Variants in MDGA2 observed in about 807,000 individuals in gnomAD.
The protein encoded by MDGA2 is MAM domain containing glycosylphosphatidylinositol anchor 2, also known as MAM domain-containing glycosylphosphatidylinositol anchor protein 2.
Under a neutral mutation model 117.8 loss-of-function variants are expected in MDGA2, and 40 were observed. The observed-to-expected ratio is 0.34, with a 90% CI of 0.26 to 0.44. The LOEUF is 0.44. Among genes scored for constraint, MDGA2 ranks in the 20% least tolerant of loss-of-function variants. The pLI is 1.00. For missense variants in MDGA2, 1,123 were observed against 1,250.6 expected (o/e 0.90, Z 1.54); for synonymous variants, 452 against 439.0 (o/e 1.03, Z -0.37).
chr14:47,656,306 C>T (rs1897743030), intron 1 of MDGA2, among the ~76,000 whole-genome samples: 1 of 152,178 alleles, frequency 6.6e-6, no homozygotes, highest in East Asian at 1.9e-4. Flanking sequence ...TGCCTCATTT[C>T]CCTCAGCTCA....
At chr14:47,376,674 A>C (rs557668613) in intron 1 of MDGA2, among the ~76,000 whole-genome samples, 283 of 152,210 alleles carry the variant, frequency 1.9e-3, no homozygotes, top group Non-Finnish European at 3.4e-3. Flanking sequence ...TTCTTTGTGT[A>C]TCTAAAAACT....
At chr14:47,393,927 A>G (rs1360628078) in intron 1 of MDGA2, among the ~76,000 whole-genome samples, 1 of 152,146 alleles carries the variant, frequency 6.6e-6, no homozygotes, top group African/African-American at 2.4e-5. Context: ...TACCAAAACC[A>G]GGACAACTGA....
At chr14:47,238,014 C>T (rs978588278) in intron 2 of MDGA2, among the ~76,000 whole-genome samples, 1 of 152,136 alleles carries the variant, frequency 6.6e-6, no homozygotes, top group African/African-American at 2.4e-5. Flanking sequence ...TCTTGTCACT[C>T]ACCCCCAGTC....
intron 3 of MDGA2, among the ~76,000 whole-genome samples, chr14:47,183,995 CAA>C (rs1884810645): frequency 6.6e-6 from 1 of 151,902 alleles, no homozygotes; most frequent in Admixed American, 6.6e-5. Flanking sequence ...CTCCTGTTAA[CAA>C]ATACTGACTT....
intron 6 of MDGA2, among the ~76,000 whole-genome samples, chr14:47,086,756 A>G (rs1890917842): frequency 6.6e-6 from 1 of 152,076 alleles, no homozygotes; most frequent in Non-Finnish European, 1.5e-5. Flanking sequence ...AGATACTCTC[A>G]TTTTTCAAAG....
rs535914921 is a variant in MDGA2 at position 47,325,350 on chromosome 14, A to G, written c.281-23800T>C. Among the ~76,000 whole-genome samples, 32 of 152,290 alleles carry G rather than the reference A, an allele frequency of 2.1e-4. No individual in the cohort carries two copies. The South Asian group carries it at 6.2e-3, about 30-fold the overall frequency. ...ACTTTATACCAAGAGGAGACACCAT[A>G]GGCATGTAGATAAGTAGTGTCAATC... On this transcript the variant is annotated intron_variant, in intron 1 of 16. Coordinates refer to ENST00000399232, the MANE Select transcript of MDGA2 (RefSeq NM_001113498.3).
intron 1 of MDGA2, among the ~76,000 whole-genome samples, chr14:47,374,665 G>C (rs1263216840): frequency 6.6e-6 from 1 of 151,988 alleles, no homozygotes; most frequent in East Asian, 1.9e-4. Context: ...CAATTTAGGA[G>C]TATTATACAA....
chr14:47,563,863 T>A (rs1013778081), intron 1 of MDGA2, among the ~76,000 whole-genome samples: 1 of 152,128 alleles, frequency 6.6e-6, no homozygotes, highest in Admixed American at 6.6e-5. Flanking sequence ...CTGGTTTATG[T>A]ACTGTATGTG....
chr14:47,489,305 T>C (rs143703120), intron 1 of MDGA2, among the ~76,000 whole-genome samples: 2 of 152,226 alleles, frequency 1.3e-5, no homozygotes, highest in African/African-American at 4.8e-5. Flanking sequence ...TAAGTTATGG[T>C]TGTATACTGA....
In MDGA2 at chr14:46,860,497, T is replaced by C. The variant is rs1380733439; in HGVS notation, c.2753-5343A>G. On this transcript the variant is annotated intron_variant, in intron 14 of 16. Transcript: ENST00000399232. ...TTTTGGAATAATTCATGGATATTTG[T>C]CCTTATGGTTCTCCAGTTTTCTTTT... is the stretch of plus-strand genomic sequence containing the variant. 2.6e-5 allele frequency among the ~76,000 whole-genome samples: 4 copies of C among 152,088 alleles called. No individual in the cohort carries two copies. In the East Asian group the frequency reaches 7.7e-4, roughly 29 times the overall value.
chr14:47,042,900 C>A (rs1168119126), intron 7 of MDGA2, among the ~76,000 whole-genome samples: 5 of 152,084 alleles, frequency 3.3e-5, no homozygotes, highest in African/African-American at 7.2e-5. Flanking sequence ...TTATCATATA[C>A]CTCACAGATG....
chr14:47,203,316 T>C (rs1026501962), intron 3 of MDGA2, among the ~76,000 whole-genome samples: 2 of 151,932 alleles, frequency 1.3e-5, no homozygotes, highest in Non-Finnish European at 2.9e-5. Context: ...ATGCTATTTG[T>C]CATGACATGG....
rs532668525 is a variant in MDGA2, at chr14:46,895,453, C to T, written c.2239-13232G>A. Among the ~76,000 whole-genome samples, 172 of 152,216 alleles carry T rather than the reference C, an allele frequency of 1.1e-3. 1 individual carries two copies. The highest frequency in any genetic ancestry group is 1.9e-3 in the Non-Finnish European group (130 of 67,992). ...TAAGAATAACTAGGTTGGCCAGGCG[C>T]GGTGCCTCATGCCTGTAATCCCAGC... On this transcript the variant is annotated intron_variant, in intron 10 of 16. Coordinates refer to ENST00000399232, the MANE Select transcript of MDGA2 (RefSeq NM_001113498.3).
chr14:47,056,120 T>C (rs1471778520), intron 7 of MDGA2, among the ~76,000 whole-genome samples: 1 of 152,166 alleles, frequency 6.6e-6, no homozygotes, highest in African/African-American at 2.4e-5. Context: ...AGCCATTCTA[T>C]AAAACTTCAG....
At chr14:46,900,979 T>G (rs576990372) in intron 10 of MDGA2, among the ~76,000 whole-genome samples, 1 of 152,236 alleles carries the variant, frequency 6.6e-6, no homozygotes, top group Non-Finnish European at 1.5e-5. Flanking sequence ...TCTATGTAAC[T>G]TCCTGTGAAT....
At chr14:46,996,036 T>G (rs138366072) in intron 8 of MDGA2, among the ~76,000 whole-genome samples, 186 of 152,194 alleles carry the variant, frequency 1.2e-3, no homozygotes, top group African/African-American at 4.3e-3. Flanking sequence ...TCTAAGCCTG[T>G]GGTCATAAAA....
chr14:46,959,761 G>A (rs913485172), intron 8 of MDGA2, among the ~76,000 whole-genome samples: 2 of 151,930 alleles, frequency 1.3e-5, no homozygotes, highest in African/African-American at 2.4e-5. Context: ...CTACTACTCC[G>A]ATTGTCTCAA....
intron 1 of MDGA2, among the ~76,000 whole-genome samples, chr14:47,528,638 G>T (rs908699913): frequency 1.3e-5 from 2 of 152,092 alleles, no homozygotes; most frequent in African/African-American, 4.8e-5. Flanking sequence ...TGTTTTAAAA[G>T]CTACATTTAA....
intron 1 of MDGA2, among the ~76,000 whole-genome samples, chr14:47,549,969 C>T (rs965577606): frequency 3.9e-5 from 6 of 152,216 alleles, no homozygotes; most frequent in Admixed American, 3.9e-4. Flanking sequence ...TTTGTTATGG[C>T]AGCCCAAGCT....
Sources: gnomAD v4.1 joint callset for allele counts (sites outside exome capture counted in the v4.1 genomes callset) on GRCh38, gnomAD v4.1.1 for gene constraint, MANE v1.5 for transcripts, NCBI Gene and HGNC (gene_info 2026-07-23, HGNC 2026-07-21) for gene names.